The following SEMA3B variants were observed in gnomAD, a reference collection of about 807,000 sequenced individuals.
SEMA3B encodes the protein semaphorin-3B.
Under a neutral mutation model 77.8 loss-of-function variants are expected in SEMA3B, and 71 were observed. That is an observed-to-expected ratio of 0.91 (90% CI 0.75 to 1.11). The LOEUF (loss-of-function observed/expected upper bound fraction) is 1.11, where lower values mean the gene tolerates loss of function less well. Among genes scored for constraint, SEMA3B ranks in the 50% most tolerant of loss-of-function variants. The pLI, the probability that SEMA3B is intolerant of heterozygous loss-of-function variation, is 0.00. For synonymous variants in SEMA3B, 470 were observed against 452.9 expected, an observed-to-expected ratio of 1.04 and a Z score of -0.48; for missense variants, 968 against 1,056.8, an observed-to-expected ratio of 0.92 and a Z score of 1.17.
chr3:50,266,417 G>A (rs1175641919), upstream of SEMA3B, among the ~76,000 whole-genome samples: 2 of 152,176 alleles, frequency 1.3e-5, no homozygotes, highest in African/African-American at 4.8e-5. Context: ...AGCTGGCCAG[G>A]CCAGGCCAGG....
At position 50,270,668 on chromosome 3, in the gene SEMA3B, G is replaced by A; in HGVS notation, c.330+173G>A. 1 of 1,137,936 alleles carries A rather than the reference G, an allele frequency of 8.8e-7. No individual in the cohort carries two copies. The highest frequency in any genetic ancestry group is 1.2e-6 in the Non-Finnish European group (1 of 812,086). 70.5% of individuals were successfully genotyped at this position (1,137,936 alleles called of 1,614,324 possible). ...GTGGGGGCTCGTGTAATTCTTCTGG[G>A]GTGCCTCTGAGTCATGGGAGGCTTT... On this transcript the variant is annotated intron_variant, in intron 3 of 16. Transcript: ENST00000616701. This position sits in a 1 kb window ranked among gnomAD's most constrained non-coding sequence, Gnocchi z 4.7.
rs1701122178 is a variant in SEMA3B, at chr3:50,273,623, G to A, written c.899G>A (p.Gly300Asp). 7 of 1,612,196 alleles carry A rather than the reference G, an allele frequency of 4.3e-6. No homozygotes were observed. Among genetic ancestry groups the A allele is most frequent in the African/African-American group, 1.3e-5 (1 of 75,056 alleles). ...GTGTGCTCGGTGCCCGGCGTCGAGG[G>A]CGACACCCACTTCGATCAGCTCCGT... ...RLVCSVPGVE[G>D]DTHFDQLQDV... Residue 300 changes from glycine to aspartate, a missense_variant, in exon 8 of 17, where the codon GGC becomes GAC. Physicochemically the swap from Gly to Asp is moderately conservative, Grantham distance 94. Transcript: ENST00000616701. This position sits in a 1 kb window ranked among gnomAD's most constrained non-coding sequence, Gnocchi z 6.5.
intron 5 of SEMA3B, 81 bp downstream of exon 5, chr3:50,271,262 C>CA (rs1226203008): frequency 6.5e-7 from 1 of 1,545,672 alleles, no homozygotes; most frequent in Non-Finnish European, 8.7e-7. Flanking sequence ...CCAAGAGCTC[C>CA]AGGGAATCCC....
rs1701190239 is a variant in SEMA3B at position 50,275,203 on chromosome 3, C to T, written c.1492-99C>T. On this transcript the variant is annotated intron_variant, in intron 13 of 16. Transcript: ENST00000616701. This position sits in a 1 kb window ranked among gnomAD's most constrained non-coding sequence, Gnocchi z 7.5. ...CTGTGTGACCTGAGGCGTAAGACCT[C>T]AGTGTTCCCATCTGTCGAGTGGAAG... is the stretch of plus-strand genomic sequence containing the variant. 6.9e-7 allele frequency: 1 copy of T among 1,459,042 alleles called. No individual in the cohort carries two copies. Among genetic ancestry groups the T allele is most frequent in the Non-Finnish European group, 9.1e-7 (1 of 1,100,368 alleles). The allele number at this position is 1,459,042 out of a possible 1,614,324, so 90.4% of individuals were successfully genotyped here. A position where few individuals can be genotyped will look rare whatever the true frequency, so the allele number is the denominator to read the frequency against.
rs1701108964 is a variant in SEMA3B, at chr3:50,273,268, C to A, written c.665-30C>A. On this transcript the variant is annotated intron_variant, in intron 6 of 16. Coordinates refer to ENST00000616701, the MANE Select transcript of SEMA3B (RefSeq NM_001290060.2). The surrounding 1 kb of genome is among the most constrained non-coding windows in gnomAD (Gnocchi z 6.5). Reference sequence around the variant, plus strand: ...TCGCATCAGGAGGCAAGGCCAGGACCCGCTGACCCATGCCTCCTGCCGCGG... The same window carrying A: ...TCGCATCAGGAGGCAAGGCCAGGACACGCTGACCCATGCCTCCTGCCGCGG... 3.7e-6 allele frequency: 6 copies of A among 1,604,542 alleles called. No homozygotes were observed. The highest frequency in any genetic ancestry group is 5.1e-6 in the Non-Finnish European group (6 of 1,175,394).
chr3:50,273,761 G>A lies in SEMA3B; in HGVS notation c.925G>A (p.Asp309Asn), dbSNP rs1223844887. 2.5e-6 allele frequency: 4 copies of A among 1,602,830 alleles called. No homozygotes were observed. In the South Asian group the frequency reaches 3.3e-5, roughly 13 times the overall value. Residue 309 changes from aspartate to asparagine, a missense_variant and splice_region_variant, in exon 9 of 17, where the codon GAT (aspartate) becomes AAT (asparagine). Coordinates refer to ENST00000616701, the MANE Select transcript of SEMA3B (RefSeq NM_001290060.2). The surrounding 1 kb of genome is among the most constrained non-coding windows in gnomAD (Gnocchi z 6.5). The stretch of plus-strand genomic sequence containing the variant: ...CCAGCTAGGCCCCTTCCCCGCAGAG[G>A]ATGTGTTTCTGTTGTCCTCGCGGGA... ...EGDTHFDQLQ[D>N]VFLLSSRDHR...
At position 50,275,675 on chromosome 3, in the gene SEMA3B, G is replaced by A. The variant is rs782157123; in HGVS notation, c.1706-30G>A. The A allele has an allele frequency of 4.3e-6, 7 of 1,612,590 alleles. No individual in the cohort carries two copies. The South Asian group carries it at 4.4e-5, about 10-fold the overall frequency. ...GAAGACGCCCCACCTGCCCTGCCTT[G>A]CCTAAATCTGACTTTCTTCTCGCCC... On this transcript the variant is annotated intron_variant, in intron 15 of 16. Coordinates refer to ENST00000616701, the MANE Select transcript of SEMA3B (RefSeq NM_001290060.2). This position sits in a 1 kb window ranked among gnomAD's most constrained non-coding sequence, Gnocchi z 7.5.
At chr3:50,260,525 G>C in the SEMA3B span, 1 of 152,360 alleles carries the variant, frequency 6.6e-6, no homozygotes, top group Admixed American at 6.5e-5. Flanking sequence ...GCCTGCGAGG[G>C]CCGACGACAC....
the SEMA3B span, chr3:50,260,836 G>A: frequency 1.3e-5 from 2 of 152,334 alleles, no homozygotes; most frequent in Non-Finnish European, 2.9e-5. Context: ...GTGGGATCCT[G>A]GGGGCAGGGC....
chr3:50,273,909 C>T lies in SEMA3B; in HGVS notation c.993-4C>T. On this transcript the variant is annotated splice_polypyrimidine_tract_variant and splice_region_variant and intron_variant, in intron 9 of 16. Coordinates refer to ENST00000616701, the MANE Select transcript of SEMA3B (RefSeq NM_001290060.2). The surrounding 1 kb of genome is among the most constrained non-coding windows in gnomAD (Gnocchi z 6.5). ...CCTCACCTCGCCCTGGTCTTCGCCT[C>T]CAGCAGCATCTTCCAGGGCTCTGCG... The T allele has an allele frequency of 6.3e-7, 1 of 1,597,842 alleles. No individual in the cohort carries two copies. Among genetic ancestry groups the T allele is most frequent in the Non-Finnish European group, 8.6e-7 (1 of 1,169,086 alleles).
In SEMA3B at chr3:50,276,096, A is replaced by AC. The variant is rs1653214883; in HGVS notation, c.1846-206_1846-205insC. The AC allele has an allele frequency of 6.6e-6, 5 of 758,720 alleles. No homozygotes were observed. Among genetic ancestry groups the AC allele is most frequent in the East Asian group, 6.2e-5 (2 of 32,016 alleles). The allele number at this position is 758,720 out of a possible 1,614,324, so 47.0% of individuals were successfully genotyped here. On this transcript the variant is annotated intron_variant, in intron 16 of 16. Transcript: ENST00000616701. This position sits in a 1 kb window ranked among gnomAD's most constrained non-coding sequence, Gnocchi z 5.8. ...TAAGGTCCCTGACCACCCCCCACCA[A>AC]GTTCATGTAAACCCCGCCTCTTTCG...
rs1553705796 is a variant in SEMA3B at position 50,273,479 on chromosome 3, C to T, written c.810+36C>T. ...CCTGGGCCACACCCGGCGACCCTGC[C>T]CCTACCCCTTTGCCTGCCCTGGTCT... On this transcript the variant is annotated intron_variant, in intron 7 of 16. Transcript: ENST00000616701. This position sits in a 1 kb window ranked among gnomAD's most constrained non-coding sequence, Gnocchi z 6.5. The T allele has an allele frequency of 6.2e-7, 1 of 1,610,338 alleles. No individual in the cohort carries two copies. Among genetic ancestry groups the T allele is most frequent in the Non-Finnish European group, 8.5e-7 (1 of 1,177,374 alleles).
At chr3:50,268,400 G>T (rs1700955803), upstream of SEMA3B, among the ~76,000 whole-genome samples, 1 of 152,208 alleles carries the variant, frequency 6.6e-6, no homozygotes, top group African/African-American at 2.4e-5. Context: ...GGGTGCACAC[G>T]TTTGCACATG....
Position 50,269,264 on chromosome 3 carries a change from C to G in SEMA3B, c.24C>G (p.Ala8=). The G allele has an allele frequency of 3.9e-6, 6 of 1,537,452 alleles. No homozygotes were observed. Among genetic ancestry groups the G allele is most frequent in the South Asian group, 1.2e-5 (1 of 84,010 alleles). MGRAGAA[A]VIPGLALLWA... is the part of the protein sequence containing the mutation. ...AGATGGGGCGGGCCGGGGCTGCCGC[C>G]GTGATCCCGGGCCTGGCCCTGCTCT... Residue 8 remains alanine (A), a synonymous_variant, in exon 1 of 17, where the codon GCC becomes GCG. Transcript: ENST00000616701. The surrounding 1 kb of genome is among the most constrained non-coding windows in gnomAD (Gnocchi z 4.0).
chr3:50,266,320 G>A (rs1198529839), upstream of SEMA3B, among the ~76,000 whole-genome samples: 1 of 152,140 alleles, frequency 6.6e-6, no homozygotes, highest in Non-Finnish European at 1.5e-5. Context: ...CATCCAGGAA[G>A]CCCACGAGCC....
At chr3:50,266,079 G>A (rs1213479208), upstream of SEMA3B, among the ~76,000 whole-genome samples, 4 of 150,572 alleles carry the variant, frequency 2.7e-5, no homozygotes, top group African/African-American at 7.5e-5. Context: ...AGGAAGGTGC[G>A]GGGTGATGAA....
chr3:50,276,574 C>G lies in SEMA3B; in HGVS notation c.2118C>G (p.Ser706=). ...VEPGGGGSAN[S]LRMCRPQPAL... Reference sequence around the variant, plus strand: ...CGGGCGGAGGTGGCAGCGCGAACTCCCTGCGCATGTGCCGCCCGCAGCCTG... The same window carrying G: ...CGGGCGGAGGTGGCAGCGCGAACTCGCTGCGCATGTGCCGCCCGCAGCCTG... Residue 706 remains serine, a synonymous_variant, in exon 17 of 17, where the codon TCC becomes TCG. Transcript: ENST00000616701. This position sits in a 1 kb window ranked among gnomAD's most constrained non-coding sequence, Gnocchi z 5.8. 6.5e-7 allele frequency: 1 copy of G among 1,550,334 alleles called. No homozygotes were observed. Among genetic ancestry groups the G allele is most frequent in the Non-Finnish European group, 8.7e-7 (1 of 1,153,382 alleles).
Position 50,271,448 on chromosome 3 carries a change from G to T in SEMA3B, c.632G>T (p.Arg211Leu). 6.3e-7 allele frequency: 1 copy of T among 1,578,110 alleles called. No homozygotes were observed. Among genetic ancestry groups the T allele is most frequent in the South Asian group, 1.2e-5 (1 of 85,816 alleles). Residue 211 changes from arginine to leucine, a missense_variant, in exon 6 of 17, where the codon CGA becomes CTA. Physicochemically the swap from Arg to Leu is moderately radical, Grantham distance 102. Coordinates refer to ENST00000616701, the MANE Select transcript of SEMA3B (RefSeq NM_001290060.2). ...AGCCTAGGGCAACGTCCAAGTCTCC[G>T]AACAGAGCCACACGACTCCCGCTGG... ...FRSLGQRPSL[R>L]TEPHDSRWLN... is the part of the protein sequence containing the mutation.
rs1553706797 is a variant in SEMA3B at position 50,276,475 on chromosome 3, G to A, written c.2019G>A (p.Arg673=). 2 of 1,531,536 alleles carry A rather than the reference G, an allele frequency of 1.3e-6. No individual in the cohort carries two copies. Among genetic ancestry groups the A allele is most frequent in the East Asian group, 4.9e-5 (2 of 40,580 alleles). The allele number at this position is 1,531,536 out of a possible 1,614,324, so 94.9% of individuals were successfully genotyped here. A position where few individuals can be genotyped will look rare whatever the true frequency, so the allele number is the denominator to read the frequency against. The change falls in exon 17 of 17, where the codon CGG becomes CGA. Residue 673 remains arginine (R), a synonymous_variant. Transcript: ENST00000616701. The surrounding 1 kb of genome is among the most constrained non-coding windows in gnomAD (Gnocchi z 5.8). ...LSATQAERLA[R]AEEAAPAAPP... ...CTACGCAGGCCGAACGACTGGCGCG[G>A]GCCGAGGAGGCTGCGCCCGCCGCGC...
Sources: allele counts gnomAD v4.1 joint callset (sites outside exome capture counted in the v4.1 genomes callset), GRCh38; gene constraint gnomAD v4.1.1; non-coding constraint Gnocchi (gnomAD v3.1); transcripts MANE v1.5; gene names NCBI Gene and HGNC (gene_info 2026-07-23, HGNC 2026-07-21).